The following PMS1 variants were observed in gnomAD, a reference collection of about 807,000 sequenced individuals.
The protein encoded by PMS1 is PMS1 homolog 1, mismatch repair system component.
PMS1 carries 79 observed loss-of-function variants against 93.1 expected under a neutral mutation model. The ratio of observed to expected loss-of-function variants is 0.85; its 90% CI spans 0.71 to 1.02. The LOEUF is 1.02. Ranked by LOEUF, PMS1 falls within the 50% of genes least tolerant of loss-of-function variation. The pLI is 0.00. For missense variants in PMS1, 1,064 were observed against 1,085.3 expected (o/e 0.98, Z 0.28); for synonymous variants, 335 against 363.4 (o/e 0.92, Z 0.89).
chr2:189,815,308 CAG>C (rs1292274429), intron 4 of PMS1, among the ~76,000 whole-genome samples: 1 of 152,044 alleles, frequency 6.6e-6, no homozygotes, highest in Non-Finnish European at 1.5e-5. Context: ...CCCTTTTCTC[CAG>C]TTAACCAGTG....
At chr2:189,795,623 G>A in intron 2 of PMS1, 146 bp from the exon 3 acceptor site, 1 of 679,922 alleles carries the variant, frequency 1.5e-6, no homozygotes, top group Admixed American at 2.5e-5. Flanking sequence ...AATTAGTAGA[G>A]CTGAAGAATT....
In PMS1 at chr2:189,805,742, C is replaced by T. The variant is rs1241558021; in HGVS notation, c.406C>T (p.His136Tyr). The change falls in exon 4 of 13, where the codon CAT (histidine) becomes TAT (tyrosine). Residue 136 changes from histidine (H) to tyrosine (Y), a missense_variant. Coordinates refer to ENST00000441310, the MANE Select transcript of PMS1 (RefSeq NM_000534.5). Reference protein sequence around the residue: ...SGHILSQKPSHLGQGTTVTAL... With the variant: ...SGHILSQKPSYLGQGTTVTAL... The stretch of plus-strand genomic sequence containing the variant: ...CCACATACTTTCTCAGAAACCTTCA[C>T]ATCTTGGTCAAGGTAAGAAAGTAGC... 6 of 1,613,662 alleles carry T rather than the reference C, an allele frequency of 3.7e-6. No homozygotes were observed. The African/African-American group carries it at 8.0e-5, about 22-fold the overall frequency.
At chr2:189,801,469 C>T (rs2049883111) in intron 3 of PMS1, among the ~76,000 whole-genome samples, 1 of 152,038 alleles carries the variant, frequency 6.6e-6, no homozygotes, top group African/African-American at 2.4e-5. Flanking sequence ...TATATTATTC[C>T]TATCACATAA....
At chr2:189,815,204 C>T (rs956266786) in intron 4 of PMS1, among the ~76,000 whole-genome samples, 2 of 151,902 alleles carry the variant, frequency 1.3e-5, no homozygotes, top group Non-Finnish European at 2.9e-5. Flanking sequence ...GGAAACAATT[C>T]TGATGTCCTC....
chr2:189,838,617 C>T (rs1221603897), intron 5 of PMS1, among the ~76,000 whole-genome samples: 1 of 152,180 alleles, frequency 6.6e-6, no homozygotes, highest in African/African-American at 2.4e-5. Context: ...TCATCAAGCC[C>T]ATTTCGTACC....
At chr2:189,835,359 T>A (rs2053293136) in intron 5 of PMS1, among the ~76,000 whole-genome samples, 1 of 152,244 alleles carries the variant, frequency 6.6e-6, no homozygotes, top group Non-Finnish European at 1.5e-5. Flanking sequence ...ATGTGGTTTG[T>A]TCTTTTAACA....
At chr2:189,855,292 T>C (rs1447869249) in intron 9 of PMS1, among the ~76,000 whole-genome samples, 164 bp downstream of exon 9, 1 of 151,864 alleles carries the variant, frequency 6.6e-6, no homozygotes, top group East Asian at 1.9e-4. Flanking sequence ...TTTTTTTTTC[T>C]GCTAATTTAG....
At chr2:189,843,207 A>G (rs1396694246) in intron 5 of PMS1, among the ~76,000 whole-genome samples, 2 of 151,786 alleles carry the variant, frequency 1.3e-5, no homozygotes, top group Non-Finnish European at 2.9e-5. Flanking sequence ...TAGTAGAGAC[A>G]GGGTTTCACC....
intron 1 of PMS1, among the ~76,000 whole-genome samples, chr2:189,788,284 T>G (rs1174540615): frequency 6.6e-6 from 1 of 151,960 alleles, no homozygotes; most frequent in Non-Finnish European, 1.5e-5. Context: ...GGGTTAGAGG[T>G]GGGGGGATTG....
In PMS1 at chr2:189,864,244, ACT is replaced by A. The variant is rs751373501; in HGVS notation, c.2342+17_2342+18del. The stretch of plus-strand genomic sequence containing the variant: ...TAACAGAGAGGTATGATGATACAAT[ACT>A]TTTTAAGAGTAAAAATATTTATTAT... On this transcript the variant is annotated intron_variant, in intron 10 of 12. Transcript: ENST00000441310. The A allele has an allele frequency of 1.3e-6, 2 of 1,531,566 alleles. No individual in the cohort carries two copies. The highest frequency in any genetic ancestry group is 1.8e-6 in the Non-Finnish European group (2 of 1,106,072). 94.9% of individuals were successfully genotyped at this position (1,531,566 alleles called of 1,614,324 possible). A position where few individuals can be genotyped will look rare whatever the true frequency, so the allele number is the denominator to read the frequency against.
At chr2:189,844,245 C>T (rs983201256) in intron 6 of PMS1, among the ~76,000 whole-genome samples, 165 bp downstream of exon 6, 1 of 152,152 alleles carries the variant, frequency 6.6e-6, no homozygotes. Flanking sequence ...AAACCTCTTT[C>T]CCCAGCCCTG....
chr2:189,809,402 CTAT>C (rs1245059214), intron 4 of PMS1, among the ~76,000 whole-genome samples: 1 of 136,300 alleles, frequency 7.3e-6, no homozygotes, highest in African/African-American at 2.8e-5. Flanking sequence ...GGCCTCCTCC[CTAT>C]TATTGGCCAA....
At chr2:189,844,326 T>C (rs919815598) in intron 6 of PMS1, among the ~76,000 whole-genome samples, 4 of 152,160 alleles carry the variant, frequency 2.6e-5, no homozygotes, top group African/African-American at 9.7e-5. Context: ...TTTAGAATCT[T>C]TTCTGTTTAC....
At chr2:189,788,530 T>C (rs1046467297) in intron 1 of PMS1, among the ~76,000 whole-genome samples, 1 of 152,174 alleles carries the variant, frequency 6.6e-6, no homozygotes, top group Admixed American at 6.5e-5. Context: ...AAAACCAAAG[T>C]AGTGTGATTT....
Position 189,802,213 on chromosome 2 carries a change from G to A in PMS1, c.316-3439G>A, listed in dbSNP as rs1425756465. Among the ~76,000 whole-genome samples, 3 of 152,026 alleles carry A rather than the reference G, an allele frequency of 2.0e-5. No homozygotes were observed. In the East Asian group the frequency reaches 5.8e-4, roughly 29 times the overall value. On this transcript the variant is annotated intron_variant, in intron 3 of 12. Coordinates refer to ENST00000441310, the MANE Select transcript of PMS1 (RefSeq NM_000534.5). ...ATCACCCAGTTGACCCCACCACTTC[G>A]CTATGCAGTCAAAAATTCACATGTA...
At chr2:189,837,873 TATAA>T (rs1451180265) in intron 5 of PMS1, among the ~76,000 whole-genome samples, 6 of 152,218 alleles carry the variant, frequency 3.9e-5, no homozygotes, top group African/African-American at 1.4e-4. Flanking sequence ...GAAGTACTGA[TATAA>T]ATAAACTTGA....
In PMS1 at chr2:189,853,959, T is replaced by C; in HGVS notation, c.843T>C (p.Asn281=). ...TCTAGTTAATCCGACATCATTACAA[T>C]CTGAAATGCCTAAAGGAATCTACTC... is the stretch of plus-strand genomic sequence containing the variant. ...DILKLIRHHY[N]LKCLKESTRL... The change falls in exon 8 of 13, where the codon AAT becomes AAC. Residue 281 remains asparagine (N), a synonymous_variant. Transcript: ENST00000441310. 1 of 1,589,762 alleles carries C rather than the reference T, an allele frequency of 6.3e-7. No homozygotes were observed. Among genetic ancestry groups the C allele is most frequent in the Non-Finnish European group, 8.6e-7 (1 of 1,162,562 alleles).
At chr2:189,820,196 C>G (rs192956265) in intron 5 of PMS1, among the ~76,000 whole-genome samples, 1 of 152,324 alleles carries the variant, frequency 6.6e-6, no homozygotes, top group East Asian at 1.9e-4. Flanking sequence ...GAATGGAATT[C>G]AGATAGGTTT....
At chr2:189,835,119 G>A (rs933057119) in intron 5 of PMS1, among the ~76,000 whole-genome samples, 1 of 152,126 alleles carries the variant, frequency 6.6e-6, no homozygotes, top group Non-Finnish European at 1.5e-5. Context: ...CATCTGCCTA[G>A]CTCCTATAAA....
Sources: allele counts gnomAD v4.1 joint callset (sites outside exome capture counted in the v4.1 genomes callset), GRCh38; gene constraint gnomAD v4.1.1; transcripts MANE v1.5; gene names NCBI Gene and HGNC (gene_info 2026-07-23, HGNC 2026-07-21).